Variants in CREB5 observed in about 807,000 individuals in gnomAD.
The protein encoded by CREB5 is cAMP responsive element binding protein 5, also known as cyclic AMP-responsive element-binding protein 5.
A neutral mutation model predicts 57.1 loss-of-function variants in CREB5; 19 were observed. That is an observed-to-expected ratio of 0.33 (90% CI 0.23 to 0.49). CREB5 has a LOEUF of 0.49. Among genes scored for constraint, CREB5 ranks in the 20% least tolerant of loss-of-function variants. The pLI is 0.99. For missense variants in CREB5, 579 were observed against 671.6 expected (o/e 0.86, Z 1.52); for synonymous variants, 238 against 238.3 (o/e 1.00, Z 0.01).
At chr7:28,383,284 A>G (rs189112287) in intron 1 of CREB5, among the ~76,000 whole-genome samples, 171 of 152,350 alleles carry the variant, frequency 1.1e-3, no homozygotes, top group African/African-American at 3.8e-3. Context: ...GGGAGAAAAA[A>G]TGTGATTTCA....
chr7:28,341,591 A>T (rs1393517211), intron 1 of CREB5, among the ~76,000 whole-genome samples: 1 of 152,182 alleles, frequency 6.6e-6, no homozygotes, highest in African/African-American at 2.4e-5. Context: ...ATCTTGGCTC[A>T]TGTAGGAAGG....
intron 4 of CREB5, among the ~76,000 whole-genome samples, chr7:28,542,904 C>T (rs1452530360): frequency 3.3e-5 from 5 of 152,112 alleles, no homozygotes; most frequent in East Asian, 1.9e-4. Flanking sequence ...TGGCTGTTCC[C>T]GTTCCACAGT....
intron 5 of CREB5, among the ~76,000 whole-genome samples, chr7:28,608,749 T>C (rs956216934): frequency 6.6e-6 from 1 of 152,230 alleles, no homozygotes; most frequent in Non-Finnish European, 1.5e-5. Flanking sequence ...CATGGCCAAC[T>C]TGATGGTTGA....
chr7:28,445,462 G>A (rs1290276659), intron 1 of CREB5, among the ~76,000 whole-genome samples: 1 of 152,160 alleles, frequency 6.6e-6, no homozygotes, highest in Admixed American at 6.5e-5. Context: ...GCAAAGTCAA[G>A]TGGAGGAAGA....
intron 7 of CREB5, among the ~76,000 whole-genome samples, chr7:28,793,005 G>A (rs904296301): frequency 4.6e-5 from 7 of 152,166 alleles, no homozygotes; most frequent in Non-Finnish European, 7.3e-5. Context: ...CTATTGGTCC[G>A]ATGACTTTGG....
chr7:28,342,602 T>TACTGTATAGTATTA (rs1785958957), intron 1 of CREB5, among the ~76,000 whole-genome samples: 1 of 152,216 alleles, frequency 6.6e-6, no homozygotes, highest in Admixed American at 6.5e-5. Context: ...GTTTCAAACT[T>TACTGTATAGTATTA]CTATACAGTA....
chr7:28,737,572 TATATATA>T (rs1804090574), intron 7 of CREB5, among the ~76,000 whole-genome samples: 11 of 38,438 alleles, frequency 2.9e-4, no homozygotes, highest in Non-Finnish European at 1.6e-4. Context: ...TATATATATA[TATATATA>T]TATATATATT....
intron 4 of CREB5, among the ~76,000 whole-genome samples, chr7:28,560,899 T>TGCGTGTGTGC (rs1337535590): frequency 1.1e-4 from 2 of 18,666 alleles, no homozygotes; most frequent in African/African-American, 5.0e-4. Context: ...TGTGTGTGCG[T>TGCGTGTGTGC]GCGCGCGTGC....
intron 1 of CREB5, among the ~76,000 whole-genome samples, chr7:28,319,421 AG>A (rs1785447463): frequency 6.6e-6 from 1 of 152,346 alleles, no homozygotes; most frequent in African/African-American, 2.4e-5. Context: ...TTATGGTAAA[AG>A]AGAGCAAAGG....
intron 10 of CREB5, 197 bp from the exon 11 acceptor site, chr7:28,818,919 A>G (rs1809596150): frequency 4.8e-6 from 3 of 622,788 alleles, no homozygotes; most frequent in East Asian, 2.9e-5. Flanking sequence ...GCTCGTAGAT[A>G]TAAACTGGAA....
In CREB5 at chr7:28,350,422, T is replaced by C. The variant is rs566207604; in HGVS notation, c.-25+50981T>C. On this transcript the variant is annotated intron_variant, in intron 1 of 9. Coordinates refer to the CREB5 transcript ENST00000396299. ...AAGCCCTCTTTCTCCATTTTTATCA[T>C]GTGATGTGGGTGGAATTTTTGCCTC... Among the ~76,000 whole-genome samples the C allele has an allele frequency of 7.9e-5, 12 of 152,206 alleles. No homozygotes were observed. In the East Asian group the frequency reaches 2.3e-3, roughly 30 times the overall value.
At chr7:28,791,787 C>T (rs1807724869) in intron 7 of CREB5, among the ~76,000 whole-genome samples, 1 of 152,126 alleles carries the variant, frequency 6.6e-6, no homozygotes, top group Non-Finnish European at 1.5e-5. Flanking sequence ...AATAAATCAA[C>T]CAGAAAGCTT....
At chr7:28,690,656 A>G (rs1483025331) in intron 5 of CREB5, among the ~76,000 whole-genome samples, 1 of 152,064 alleles carries the variant, frequency 6.6e-6, no homozygotes, top group Non-Finnish European at 1.5e-5. Flanking sequence ...GGGTGGAGAT[A>G]AGGTTTTAAG....
intron 4 of CREB5, among the ~76,000 whole-genome samples, chr7:28,551,729 G>A (rs1794650800): frequency 6.6e-6 from 1 of 152,256 alleles, no homozygotes; most frequent in East Asian, 1.9e-4. Context: ...CACTGTCTCA[G>A]GCCTCCCAGC....
chr7:28,523,437 G>A (rs763173237), intron 4 of CREB5, among the ~76,000 whole-genome samples: 6 of 152,134 alleles, frequency 3.9e-5, no homozygotes, highest in Non-Finnish European at 7.3e-5. Context: ...AGGAGCCAAG[G>A]CTACATTCTA....
chr7:28,522,724 G>C (rs3857730), intron 4 of CREB5, among the ~76,000 whole-genome samples: 1 of 152,088 alleles, frequency 6.6e-6, no homozygotes, highest in Non-Finnish European at 1.5e-5. Context: ...AAAGTCCTTC[G>C]TAAGGCTTCT....
At chr7:28,302,189 T>C (rs1785107523) in intron 1 of CREB5, among the ~76,000 whole-genome samples, 1 of 152,208 alleles carries the variant, frequency 6.6e-6, no homozygotes, top group South Asian at 2.1e-4. Context: ...ATATTAATTC[T>C]CTAATTTTAA....
chr7:28,601,661 A>G (rs952022681), intron 5 of CREB5, among the ~76,000 whole-genome samples: 1 of 152,228 alleles, frequency 6.6e-6, no homozygotes, highest in Non-Finnish European at 1.5e-5. Context: ...GCTTAAAATA[A>G]CAGAAGAGGA....
At chr7:28,542,271 A>G (rs897196361) in intron 4 of CREB5, among the ~76,000 whole-genome samples, 1 of 152,256 alleles carries the variant, frequency 6.6e-6, no homozygotes, top group African/African-American at 2.4e-5. Flanking sequence ...GCCAGATTCC[A>G]AGCCAGACGG....
Sources: allele counts gnomAD v4.1 joint callset (sites outside exome capture counted in the v4.1 genomes callset), GRCh38; gene constraint gnomAD v4.1.1; transcripts MANE v1.5; gene names NCBI Gene and HGNC (gene_info 2026-07-23, HGNC 2026-07-21).